OC90: variants seen among roughly 807,000 people sequenced by gnomAD.
OC90 encodes otoconin-90.
OC90 carries 46 observed loss-of-function variants against 47.3 expected under a neutral mutation model. That is an observed-to-expected ratio of 0.97 (90% CI 0.77 to 1.24). The LOEUF (loss-of-function observed/expected upper bound fraction) is 1.24, where lower values mean the gene tolerates loss of function less well. Ranked by LOEUF, OC90 falls within the 50% of genes most tolerant of loss-of-function variation. The pLI, the probability that OC90 is intolerant of heterozygous loss-of-function variation, is 0.00. For missense variants in OC90, 688 were observed against 583.9 expected (o/e 1.18, Z -1.84); for synonymous variants, 271 against 219.5 (o/e 1.23, Z -2.07).
chr8:132,042,799 C>T (rs1478500141), intron 4 of OC90, among the ~76,000 whole-genome samples: 1 of 152,130 alleles, frequency 6.6e-6, no homozygotes, highest in Non-Finnish European at 1.5e-5. Context: ...AAAGGGATTG[C>T]TTAGACACTG....
chr8:132,038,556 C>T (rs1586710235), intron 8 of OC90, among the ~76,000 whole-genome samples: 1 of 152,352 alleles, frequency 6.6e-6, no homozygotes. Context: ...ATTAAATTCA[C>T]ACTTGTCCAC....
intron 2 of OC90, among the ~76,000 whole-genome samples, chr8:132,052,613 C>T (rs1823227562): frequency 6.6e-6 from 1 of 152,184 alleles, no homozygotes; most frequent in Non-Finnish European, 1.5e-5. Flanking sequence ...GGATGTGAAA[C>T]TCTTTATCCC....
intron 8 of OC90, among the ~76,000 whole-genome samples, chr8:132,038,053 CAGG>C (rs748843121): frequency 6.6e-6 from 1 of 152,160 alleles, no homozygotes; most frequent in South Asian, 2.1e-4. Flanking sequence ...ACTCCAGCTC[CAGG>C]AGAAGGATGC....
intron 12 of OC90, among the ~76,000 whole-genome samples, chr8:132,030,628 C>T (rs370465644): frequency 1.3e-5 from 2 of 152,216 alleles, no homozygotes; most frequent in African/African-American, 4.8e-5. Flanking sequence ...AGCAGGCATG[C>T]GGTTGAACCT....
intron 12 of OC90, among the ~76,000 whole-genome samples, chr8:132,030,652 T>C (rs1444992518): frequency 6.6e-6 from 1 of 152,234 alleles, no homozygotes; most frequent in East Asian, 1.9e-4. Flanking sequence ...AATGTAAACA[T>C]GCTTATGACT....
chr8:132,034,001 A>G (rs1822916412), intron 10 of OC90, among the ~76,000 whole-genome samples: 1 of 152,088 alleles, frequency 6.6e-6, no homozygotes, highest in African/African-American at 2.4e-5. Flanking sequence ...CCTCTTACTC[A>G]ACTCCATTTC....
At chr8:132,029,461 C>A (rs1308963422) in intron 12 of OC90, among the ~76,000 whole-genome samples, 1 of 152,160 alleles carries the variant, frequency 6.6e-6, no homozygotes, top group Non-Finnish European at 1.5e-5. Flanking sequence ...CTGTTCATGG[C>A]AAAGATAGGT....
chr8:132,028,526 A>AAAG (rs1822797031), intron 13 of OC90, among the ~76,000 whole-genome samples: 2 of 87,470 alleles, frequency 2.3e-5, no homozygotes, highest in African/African-American at 1.0e-4. Context: ...AGAAAGAAAG[A>AAAG]AAAGAAAGAA....
In OC90 at chr8:132,024,292, T is replaced by G; in HGVS notation, c.*189A>C. The G allele has an allele frequency of 2.0e-6, 1 of 509,950 alleles. No homozygotes were observed. Among genetic ancestry groups the G allele is most frequent in the Non-Finnish European group, 3.5e-6 (1 of 289,048 alleles). The allele number at this position is 509,950 out of a possible 1,614,324, so 31.6% of individuals were successfully genotyped here. On this transcript the variant is annotated 3_prime_UTR_variant, in exon 14 of 14. Transcript: ENST00000254627. ...GGTACCATGGTGTGCCTTCTCCAAG[T>G]GTACATTGGCTTGTGAGGTGACCAC... is the stretch of plus-strand genomic sequence containing the variant.
At chr8:132,049,616 T>C (rs1271521420) in intron 2 of OC90, among the ~76,000 whole-genome samples, 1 of 152,236 alleles carries the variant, frequency 6.6e-6, no homozygotes, top group African/African-American at 2.4e-5. Flanking sequence ...CAGCTTTTTG[T>C]TCTCTCAGAA....
intron 8 of OC90, among the ~76,000 whole-genome samples, chr8:132,037,913 C>T (rs554938156): frequency 1.3e-5 from 2 of 152,322 alleles, no homozygotes; most frequent in South Asian, 2.1e-4. Flanking sequence ...CTCACGCTCA[C>T]GCTCATGTAC....
intron 2 of OC90, among the ~76,000 whole-genome samples, chr8:132,053,288 A>G (rs142636698): frequency 3.1e-3 from 474 of 152,242 alleles, no homozygotes; most frequent in Middle Eastern, 0.014. Flanking sequence ...TTCCCCCACT[A>G]AACTAGGGAC....
chr8:132,040,963 T>A, intron 6 of OC90, 81 bp downstream of exon 6: 1 of 838,294 alleles, frequency 1.2e-6, no homozygotes, highest in Non-Finnish European at 2.1e-6. Flanking sequence ...AGGATCACAA[T>A]GCCCTCAGCC....
intron 10 of OC90, among the ~76,000 whole-genome samples, chr8:132,033,693 T>A (rs1822910391): frequency 6.6e-6 from 1 of 152,220 alleles, no homozygotes; most frequent in Non-Finnish European, 1.5e-5. Flanking sequence ...CCTACCTGCC[T>A]TGCCATCACA....
Position 132,024,542 on chromosome 8 carries a change from G to A in OC90, c.1373C>T (p.Ala458Val). ...CAGTGACTTCCGCAGAAACCTCTTG[G>A]CTCTGCCGAGGTCCTCCTGTGGAGG... Reference protein sequence around the residue: ...EDPPQEDLGRAKRFLRKSLGP... With the variant: ...EDPPQEDLGRVKRFLRKSLGP... The change falls in exon 14 of 14, where the codon GCC becomes GTC. Residue 458 changes from alanine (A) to valine (V), a missense_variant. Physicochemically the swap from Ala to Val is moderately conservative, Grantham distance 64. Coordinates refer to ENST00000254627, the MANE Select transcript of OC90 (RefSeq NM_001080399.3). 6.2e-7 allele frequency: 1 copy of A among 1,606,908 alleles called. No homozygotes were observed. Among genetic ancestry groups the A allele is most frequent in the Admixed American group, 1.7e-5 (1 of 59,480 alleles).
intron 1 of OC90, among the ~76,000 whole-genome samples, chr8:132,058,467 C>T (rs1823303429): frequency 6.6e-6 from 1 of 152,182 alleles, no homozygotes; most frequent in South Asian, 2.1e-4. Flanking sequence ...CCCTAGCTGT[C>T]TCCCAATGGC....
intron 2 of OC90, among the ~76,000 whole-genome samples, chr8:132,054,430 G>A (rs1238656283): frequency 2.0e-5 from 3 of 152,114 alleles, no homozygotes; most frequent in African/African-American, 4.8e-5. Context: ...TTGGGCTTCT[G>A]TTTCTCAGAA....
At position 132,041,092 on chromosome 8, in the gene OC90, C is replaced by A. The variant is rs749569286; in HGVS notation, c.409G>T (p.Ala137Ser). 3 of 1,613,558 alleles carry A rather than the reference C, an allele frequency of 1.9e-6. No homozygotes were observed. Among genetic ancestry groups the A allele is most frequent in the Non-Finnish European group, 2.5e-6 (3 of 1,179,492 alleles). Residue 137 changes from alanine (A) to serine (S), a missense_variant, in exon 6 of 14, where the codon GCC (alanine) becomes TCC (serine). Ala to Ser is a moderately conservative substitution (Grantham distance 99, BLOSUM62 1). Transcript: ENST00000254627. The part of the protein sequence containing the change: ...AAEMDCLQDP[A>S]KLSTEVNCVS... ...CAATTGACCTCTGTGCTAAGTTTGG[C>A]GGGGTCTTGGAGACAGTCCATCTCA...
chr8:132,058,415 A>G (rs558322736), intron 1 of OC90, among the ~76,000 whole-genome samples: 83 of 152,262 alleles, frequency 5.5e-4, no homozygotes, highest in African/African-American at 1.9e-3. Context: ...AGGCTCCCGA[A>G]GCCTCGCCTT....
Sources: allele counts gnomAD v4.1 joint callset (sites outside exome capture counted in the v4.1 genomes callset), GRCh38; gene constraint gnomAD v4.1.1; transcripts MANE v1.5; gene names NCBI Gene and HGNC (gene_info 2026-07-23, HGNC 2026-07-21).